The following STK3 variants were observed in gnomAD, a reference collection of about 807,000 sequenced individuals.
STK3 encodes the protein serine/threonine kinase 3, also known as serine/threonine-protein kinase 3.
A neutral mutation model predicts 58.0 loss-of-function variants in STK3; 41 were observed. The ratio of observed to expected loss-of-function variants is 0.71; its 90% CI spans 0.55 to 0.92. The LOEUF (loss-of-function observed/expected upper bound fraction) is 0.92. Among genes scored for constraint, STK3 ranks in the 40% least tolerant of loss-of-function variants. The probability of loss-of-function intolerance (pLI) is 0.00; values close to 1 mark genes in which losing one functional copy is unlikely to be tolerated. For missense variants in STK3, 479 were observed against 602.7 expected (o/e 0.79, Z 2.15); for synonymous variants, 170 against 191.0 (o/e 0.89, Z 0.91).
At chr8:98,871,423 T>C (rs1189833870) in intron 3 of STK3, among the ~76,000 whole-genome samples, 8 of 152,218 alleles carry the variant, frequency 5.3e-5, no homozygotes, top group African/African-American at 1.7e-4. Flanking sequence ...AATCTATAAA[T>C]TTCCTTGGGC....
At chr8:98,497,123 T>C (rs1315940051) in intron 10 of STK3, among the ~76,000 whole-genome samples, 1 of 152,070 alleles carries the variant, frequency 6.6e-6, no homozygotes, top group Admixed American at 6.6e-5. Flanking sequence ...TGGAACACAA[T>C]TGAGGGTCCA....
In STK3 at chr8:98,384,343, C is replaced by T. The variant is rs371585704; in HGVS notation, n.56+3849G>A. On this transcript the variant is annotated intron_variant and non_coding_transcript_variant, in intron 1 of 2. Transcript: ENST00000518704. ...GGGGCTCTTGAGCTGCTTGTCCCAG[C>T]CTGCTTCCACTTTGTGGAGTGTGCT... is the stretch of plus-strand genomic sequence containing the variant. Among the ~76,000 whole-genome samples, 5 of 152,230 alleles carry T rather than the reference C, an allele frequency of 3.3e-5. No individual in the cohort carries two copies. The East Asian group carries it at 9.6e-4, about 29-fold the overall frequency.
chr8:98,569,305 G>A (rs566769775), intron 8 of STK3, among the ~76,000 whole-genome samples: 1 of 151,990 alleles, frequency 6.6e-6, no homozygotes, highest in East Asian at 1.9e-4. Flanking sequence ...AAATAAGGAA[G>A]TAAAACAAGA....
Position 98,825,555 on chromosome 8 carries a change from G to C in STK3, c.-15C>G. The stretch of plus-strand genomic sequence containing the variant: ...GGCTGCTCCATGGCGGCCGGGGACA[G>C]AGAGAGGGACCTGGTGGACGGCGAA... On this transcript the variant is annotated 5_prime_UTR_variant, in exon 1 of 11. Transcript: ENST00000419617. 1 of 1,457,298 alleles carries C rather than the reference G, an allele frequency of 6.9e-7. No homozygotes were observed. The highest frequency in any genetic ancestry group is 9.1e-7 in the Non-Finnish European group (1 of 1,099,516). 90.3% of individuals were successfully genotyped at this position (1,457,298 alleles called of 1,614,324 possible). A position where few individuals can be genotyped will look rare whatever the true frequency, so the allele number is the denominator to read the frequency against.
At chr8:98,345,450 C>G in the STK3 span, among the ~76,000 whole-genome samples, 3 of 151,862 alleles carry the variant, frequency 2.0e-5, no homozygotes, top group Non-Finnish European at 4.4e-5. Flanking sequence ...TCAGGCTTTG[C>G]CAGTGAGGAA....
chr8:98,906,801 CT>C (rs1186147245), intron 1 of STK3, among the ~76,000 whole-genome samples: 1 of 152,140 alleles, frequency 6.6e-6, no homozygotes, highest in Non-Finnish European at 1.5e-5. Flanking sequence ...ACCACCTCAT[CT>C]TCACTTCTAT....
intron 1 of STK3, among the ~76,000 whole-genome samples, chr8:98,893,643 C>G (rs1411712564): frequency 1.3e-5 from 2 of 151,536 alleles, no homozygotes; most frequent in African/African-American, 4.8e-5. Context: ...AAAAAAAAAG[C>G]AACCAAAGCT....
intron 4 of STK3, among the ~76,000 whole-genome samples, chr8:98,717,718 C>A (rs1827122007): frequency 6.6e-6 from 1 of 152,136 alleles, no homozygotes; most frequent in Admixed American, 6.5e-5. Context: ...TGTTTTTGAA[C>A]AAGTTTCACC....
At chr8:98,759,770 T>C (rs1484832896) in intron 3 of STK3, among the ~76,000 whole-genome samples, 1 of 152,340 alleles carries the variant, frequency 6.6e-6, no homozygotes, top group African/African-American at 2.4e-5. Context: ...TAAGCCAGTA[T>C]ATGGACTTGC....
chr8:98,838,988 TTGTGTGTGTGTG>T (rs35564732), intron 3 of STK3, among the ~76,000 whole-genome samples: 1 of 144,980 alleles, frequency 6.9e-6, no homozygotes, highest in African/African-American at 2.5e-5. Flanking sequence ...TTTGTTTGTT[TTGTGTGTGTGTG>T]TGTGTGTGTG....
intron 7 of STK3, among the ~76,000 whole-genome samples, chr8:98,589,958 C>T (rs1333312878): frequency 1.3e-5 from 2 of 152,188 alleles, no homozygotes; most frequent in African/African-American, 2.4e-5. Context: ...TGCTTCGGCT[C>T]GCACACGGTG....
chr8:98,650,839 G>A (rs939017523), intron 6 of STK3, among the ~76,000 whole-genome samples: 1 of 152,238 alleles, frequency 6.6e-6, no homozygotes, highest in East Asian at 1.9e-4. Flanking sequence ...CAGCCAGGAA[G>A]CTCCAACTGG....
At chr8:98,742,725 G>A (rs1437847550) in intron 4 of STK3, among the ~76,000 whole-genome samples, 1 of 151,672 alleles carries the variant, frequency 6.6e-6, no homozygotes, top group Non-Finnish European at 1.5e-5. Context: ...GGAAGTTCTG[G>A]CCAGGGCAAT....
chr8:98,662,145 G>C (rs541488109), intron 6 of STK3, among the ~76,000 whole-genome samples: 1 of 152,196 alleles, frequency 6.6e-6, no homozygotes, highest in East Asian at 1.9e-4. Flanking sequence ...TACATTGAGA[G>C]ACCCATGGAG....
intron 10 of STK3, among the ~76,000 whole-genome samples, chr8:98,498,141 T>C (rs1170195799): frequency 1.3e-5 from 2 of 152,150 alleles, no homozygotes; most frequent in African/African-American, 4.8e-5. Flanking sequence ...TTCTACCTTT[T>C]TTTTTTTAAA....
chr8:98,658,325 T>C (rs983265088), intron 6 of STK3, among the ~76,000 whole-genome samples: 1 of 151,766 alleles, frequency 6.6e-6, no homozygotes. Flanking sequence ...GGCTATGGAG[T>C]TAACTGAAGA....
chr8:98,454,279 C>T (rs191828822), downstream of STK3, among the ~76,000 whole-genome samples: 2 of 152,286 alleles, frequency 1.3e-5, no homozygotes, highest in East Asian at 3.9e-4. Flanking sequence ...TAGGAGTGTC[C>T]ATGTGACTAA....
chr8:98,887,475 TGAATCTATAA>T (rs1838034760), intron 1 of STK3, among the ~76,000 whole-genome samples: 1 of 152,230 alleles, frequency 6.6e-6, no homozygotes, highest in South Asian at 2.1e-4. Flanking sequence ...CAACTTTCTG[TGAATCTATAA>T]TGGCTTCAAA....
chr8:98,664,476 C>T (rs2130804771), intron 6 of STK3, among the ~76,000 whole-genome samples: 1 of 152,274 alleles, frequency 6.6e-6, no homozygotes, highest in Middle Eastern at 3.4e-3. Flanking sequence ...TTCATAAATA[C>T]AGACTAATAA....
Sources: gnomAD v4.1 joint callset for allele counts (sites outside exome capture counted in the v4.1 genomes callset) on GRCh38, gnomAD v4.1.1 for gene constraint, MANE v1.5 for transcripts, NCBI Gene and HGNC (gene_info 2026-07-23, HGNC 2026-07-21) for gene names.